ADPRHL1: variants seen among roughly 807,000 people sequenced by gnomAD.
ADPRHL1 encodes the protein ADP-ribosylhydrolase like 1, also known as inactive ADP-ribosyltransferase ARH2.
A neutral mutation model predicts 44.1 loss-of-function variants in ADPRHL1; 43 were observed. The observed-to-expected ratio is 0.98, with a 90% confidence interval of 0.76 to 1.26. The LOEUF is 1.26. Ranked by LOEUF, ADPRHL1 falls within the 50% of genes most tolerant of loss-of-function variation. The pLI, the probability that ADPRHL1 is intolerant of heterozygous loss-of-function variation, is 0.00. For synonymous variants in ADPRHL1, 878 were observed against 1,017.4 expected, an observed-to-expected ratio of 0.86 and a Z score of 2.61; for missense variants, 2,022 against 2,496.9, an observed-to-expected ratio of 0.81 and a Z score of 4.05.
chr13:113,415,044 C>G (rs893973668), intron 7 of ADPRHL1, among the ~76,000 whole-genome samples: 2 of 152,066 alleles, frequency 1.3e-5, no homozygotes, highest in African/African-American at 4.8e-5. Context: ...TCAGGGAGGG[C>G]GACACCTCCC....
At position 113,407,896 on chromosome 13, in the gene ADPRHL1, C is replaced by CAA; in HGVS notation, c.1385_1386insTT (p.Gly463TrpfsTer41). On this transcript the variant is annotated frameshift_variant, in exon 8 of 8. Coordinates refer to ENST00000612156, the MANE Select transcript of ADPRHL1 (RefSeq NM_001394807.1). LOFTEE classifies it low-confidence loss of function (END_TRUNC). ...TGGTGGCACCCACGAGGCCCCCACC[C>CAA]GGCCCCTGCTTGTCCTTGGAGATCA... 1 of 1,231,960 alleles carries CAA rather than the reference C, an allele frequency of 8.1e-7. No homozygotes were observed. The highest frequency in any genetic ancestry group is 4.1e-5 in the South Asian group (1 of 24,326). 76.3% of individuals were successfully genotyped at this position (1,231,960 alleles called of 1,614,324 possible).
intron 1 of ADPRHL1, among the ~76,000 whole-genome samples, chr13:113,446,707 A>C (rs1418932764): frequency 6.6e-6 from 1 of 151,696 alleles, no homozygotes; most frequent in Non-Finnish European, 1.5e-5. Context: ...TGCATGTATG[A>C]TATTGTCATA....
intron 2 of ADPRHL1, among the ~76,000 whole-genome samples, chr13:113,437,829 G>GT (rs1254084929): frequency 2.0e-5 from 3 of 152,166 alleles, no homozygotes; most frequent in Non-Finnish European, 4.4e-5. Flanking sequence ...GGTGATGAAT[G>GT]TTTAACTTTT....
chr13:113,406,799 ACC>A lies in ADPRHL1; in HGVS notation c.2481_2482del (p.Val828ProfsTer24). On this transcript the variant is annotated frameshift_variant, in exon 8 of 8. Coordinates refer to ENST00000612156, the MANE Select transcript of ADPRHL1 (RefSeq NM_001394807.1). LOFTEE classifies it low-confidence loss of function (END_TRUNC). ...AGGCTGTGTTCTCCGAGCAGCCTGG[ACC>A]GATGGAGCGTTCAGGGGTGGGATGT... is the stretch of plus-strand genomic sequence containing the variant. 1 of 1,231,974 alleles carries A rather than the reference ACC, an allele frequency of 8.1e-7. No individual in the cohort carries two copies. 76.3% of individuals were successfully genotyped at this position (1,231,974 alleles called of 1,614,324 possible). A position where few individuals can be genotyped will look rare whatever the true frequency, so the allele number is the denominator to read the frequency against.
At chr13:113,428,382 T>C (rs1403595374) in intron 4 of ADPRHL1, among the ~76,000 whole-genome samples, 2 of 152,188 alleles carry the variant, frequency 1.3e-5, no homozygotes, top group South Asian at 2.1e-4. Context: ...TCCTCAACCA[T>C]GCAAGGACGC....
At chr13:113,444,351 T>A in intron 2 of ADPRHL1, 74 bp downstream of exon 2, 1 of 1,548,476 alleles carries the variant, frequency 6.5e-7, no homozygotes, top group Admixed American at 1.8e-5. Flanking sequence ...TGGGGGTTAG[T>A]GGAAGGCAGA....
Position 113,407,369 on chromosome 13 carries a change from G to A in ADPRHL1, c.1913C>T (p.Thr638Ile), listed in dbSNP as rs2043816897. 2.4e-6 allele frequency: 3 copies of A among 1,231,974 alleles called. No homozygotes were observed. The highest frequency in any genetic ancestry group is 3.0e-6 in the Non-Finnish European group (3 of 988,100). The allele number at this position is 1,231,974 out of a possible 1,614,324, so 76.3% of individuals were successfully genotyped here. A position where few individuals can be genotyped will look rare whatever the true frequency, so the allele number is the denominator to read the frequency against. The change falls in exon 8 of 8, where the codon ACC (threonine) becomes ATC (isoleucine). Residue 638 changes from threonine (T) to isoleucine (I), a missense_variant. Physicochemically the swap from Thr to Ile is moderately conservative, Grantham distance 89. This residue lies in a region of ADPRHL1 where 1,221 missense variants were observed against 1,517.8 expected (regional missense o/e 0.80). Coordinates refer to ENST00000612156, the MANE Select transcript of ADPRHL1 (RefSeq NM_001394807.1). ...CGPRSWLSHC[T>I]KISHSEARRP... ...CCTTGCCTCCGAGTGGCTGATTTTG[G>A]TGCAGTGGGACAGCCAGCTCCTGGG...
chr13:113,441,844 C>T lies in ADPRHL1; in HGVS notation c.379+2581G>A, dbSNP rs896818440. On this transcript the variant is annotated intron_variant, in intron 2 of 7. Coordinates refer to ENST00000612156, the MANE Select transcript of ADPRHL1 (RefSeq NM_001394807.1). The surrounding 1 kb of genome is among the most constrained non-coding windows in gnomAD (Gnocchi z 6.0). Reference sequence around the variant, plus strand: ...TCCGTGTCTCTGTCACGTTGTGTCCCGCCGCGTGGGTCCGTGTCACTATCA... The same window carrying T: ...TCCGTGTCTCTGTCACGTTGTGTCCTGCCGCGTGGGTCCGTGTCACTATCA... 5.9e-5 allele frequency among the ~76,000 whole-genome samples: 9 copies of T among 152,122 alleles called. No homozygotes were observed. In the East Asian group the frequency reaches 1.4e-3, roughly 23 times the overall value.
intron 4 of ADPRHL1, among the ~76,000 whole-genome samples, chr13:113,428,001 C>T (rs370046786): frequency 7.6e-4 from 116 of 152,380 alleles, no homozygotes; most frequent in African/African-American, 2.6e-3. Flanking sequence ...CGAGGTGGCT[C>T]ATGCCTGTAA....
Position 113,405,353 on chromosome 13 carries a change from G to A in ADPRHL1, c.3929C>T (p.Pro1310Leu). ...AGGCACTGCGGGAAGCAGATGGTCA[G>A]GCTCCGCCCCACGGGGAAACCTGAC... is the stretch of plus-strand genomic sequence containing the variant. ...EGVRFPRGAE[P>L]DHLLPAVPPA... The change falls in exon 8 of 8, where the codon CCT (proline) becomes CTT (leucine). Residue 1310 changes from proline (P) to leucine (L), a missense_variant. This residue lies in a region of ADPRHL1 where 1,221 missense variants were observed against 1,517.8 expected (regional missense o/e 0.80). Coordinates refer to ENST00000612156, the MANE Select transcript of ADPRHL1 (RefSeq NM_001394807.1). The A allele has an allele frequency of 8.1e-7, 1 of 1,231,786 alleles. No homozygotes were observed. 76.3% of individuals were successfully genotyped at this position (1,231,786 alleles called of 1,614,324 possible). A position where few individuals can be genotyped will look rare whatever the true frequency, so the allele number is the denominator to read the frequency against.
intron 7 of ADPRHL1, among the ~76,000 whole-genome samples, chr13:113,419,947 C>T (rs935543316): frequency 2.0e-5 from 3 of 151,786 alleles, no homozygotes; most frequent in African/African-American, 4.8e-5. Context: ...AGAGCATGGC[C>T]TTGTTATCTC....
intron 3 of ADPRHL1, among the ~76,000 whole-genome samples, chr13:113,432,969 A>ACCGCAGCCG (rs1203730855): frequency 1.3e-5 from 2 of 152,000 alleles, no homozygotes; most frequent in Non-Finnish European, 2.9e-5. Context: ...TACCGCAGCC[A>ACCGCAGCCG]CCCCAGCCTG....
At chr13:113,412,503 G>A (rs1025316602) in intron 7 of ADPRHL1, among the ~76,000 whole-genome samples, 14 of 152,194 alleles carry the variant, frequency 9.2e-5, no homozygotes, top group Admixed American at 2.0e-4. Context: ...TCTAAGATCC[G>A]AGTGCACTTT....
At chr13:113,424,688 C>T (rs1555326573) in intron 5 of ADPRHL1, among the ~76,000 whole-genome samples, 1 of 132,344 alleles carries the variant, frequency 7.6e-6, no homozygotes, top group African/African-American at 2.9e-5. Context: ...ATTCATCTAT[C>T]CACCCATCCA....
At chr13:113,439,392 G>A (rs1468182414) in intron 2 of ADPRHL1, among the ~76,000 whole-genome samples, 1 of 151,744 alleles carries the variant, frequency 6.6e-6, no homozygotes, top group East Asian at 1.9e-4. Flanking sequence ...CAAAGTACTG[G>A]GATCACGGGT....
intron 7 of ADPRHL1, among the ~76,000 whole-genome samples, chr13:113,415,091 G>A (rs535107852): frequency 3.3e-5 from 5 of 152,304 alleles, no homozygotes; most frequent in East Asian, 1.9e-4. Flanking sequence ...TGGGGCAGGT[G>A]AGGAGAGGGG....
intron 5 of ADPRHL1, 81 bp from the exon 6 acceptor site, chr13:113,424,430 C>T: frequency 6.4e-7 from 1 of 1,567,300 alleles, no homozygotes; most frequent in African/African-American, 1.4e-5. Context: ...TTTCTGGGCC[C>T]CTCCTAGTGA....
rs1485328789 is a variant in ADPRHL1 at position 113,453,116 on chromosome 13, C to T, written c.214+108G>A. On this transcript the variant is annotated intron_variant, in intron 1 of 7. Transcript: ENST00000612156. The surrounding 1 kb of genome is among the most constrained non-coding windows in gnomAD (Gnocchi z 5.4). ...AGCAGCGGTATCAGGTAACACCATC[C>T]GCTGAAGGACCGCACTGCCTTCAAA... The T allele has an allele frequency of 7.4e-6, 9 of 1,224,352 alleles. No homozygotes were observed. Among genetic ancestry groups the T allele is most frequent in the Admixed American group, 6.1e-5 (3 of 49,190 alleles). The allele number at this position is 1,224,352 out of a possible 1,614,324, so 75.8% of individuals were successfully genotyped here. A position where few individuals can be genotyped will look rare whatever the true frequency, so the allele number is the denominator to read the frequency against.
intron 7 of ADPRHL1, among the ~76,000 whole-genome samples, chr13:113,412,246 C>T (rs1417925449): frequency 6.6e-6 from 1 of 152,134 alleles, no homozygotes; most frequent in African/African-American, 2.4e-5. Context: ...GGCGCGATCT[C>T]GACTCACTGC....
Sources: allele counts gnomAD v4.1 joint callset (sites outside exome capture counted in the v4.1 genomes callset), GRCh38; gene constraint gnomAD v4.1.1; regional missense constraint gnomAD v4.1.1; non-coding constraint Gnocchi (gnomAD v3.1); transcripts MANE v1.5; gene names NCBI Gene and HGNC (gene_info 2026-07-23, HGNC 2026-07-21).